GRIN2A: variants seen among roughly 807,000 people sequenced by gnomAD.
GRIN2A encodes the protein glutamate ionotropic receptor NMDA type subunit 2A.
In GRIN2A, 22 loss-of-function variants were observed where a neutral mutation model predicts 113.4. The ratio of observed to expected loss-of-function variants is 0.19; its 90% CI spans 0.14 to 0.28. GRIN2A has a LOEUF of 0.28. Ranked by LOEUF, GRIN2A falls within the 10% of genes least tolerant of loss-of-function variation. The probability of loss-of-function intolerance (pLI) is 1.00; values close to 1 mark genes in which losing one functional copy is unlikely to be tolerated. For synonymous variants in GRIN2A, 827 were observed against 738.4 expected, an observed-to-expected ratio of 1.12 and a Z score of -1.94; for missense variants, 1,502 against 1,887.0, an observed-to-expected ratio of 0.80 and a Z score of 3.78.
At chr16:10,036,437 C>CTTTTTTTTTTT (rs1360199200) in intron 2 of GRIN2A, among the ~76,000 whole-genome samples, 1 of 92,670 alleles carries the variant, frequency 1.1e-5, no homozygotes, top group African/African-American at 4.2e-5. Context: ...TTAGTACTTA[C>CTTTTTTTTTTT]TTTTTTTTTT....
At chr16:10,051,964 C>T (rs1022334718) in intron 2 of GRIN2A, among the ~76,000 whole-genome samples, 13 of 152,244 alleles carry the variant, frequency 8.5e-5, no homozygotes, top group Admixed American at 1.3e-4. Context: ...ATCACTGTCA[C>T]ATACTAAAAA....
At chr16:10,066,966 C>T (rs1412926397) in intron 2 of GRIN2A, among the ~76,000 whole-genome samples, 9 of 152,138 alleles carry the variant, frequency 5.9e-5, no homozygotes, top group Non-Finnish European at 7.3e-5. Context: ...AAAGGACATT[C>T]GGATACATGC....
chr16:9,982,013 C>A (rs899021028), intron 2 of GRIN2A, among the ~76,000 whole-genome samples: 4 of 152,258 alleles, frequency 2.6e-5, no homozygotes, highest in African/African-American at 7.2e-5. Flanking sequence ...GTCTGGAACT[C>A]CTGGCCTCAA....
In GRIN2A at chr16:9,930,770, T is replaced by A. The variant is rs139815613; in HGVS notation, c.1007+7189A>T. Among the ~76,000 whole-genome samples, 153 of 152,270 alleles carry A rather than the reference T, an allele frequency of 1.0e-3. 2 individuals are homozygous for A. Among genetic ancestry groups the A allele is most frequent in the African/African-American group, 3.5e-3 (145 of 41,560 alleles). On this transcript the variant is annotated intron_variant, in intron 3 of 12. Transcript: ENST00000330684. Reference sequence around the variant, plus strand: ...GATCATTCTGATTACTAAATAAAAATATGTCAACCAGGTTTAGCACAGTCT... The same window carrying A: ...GATCATTCTGATTACTAAATAAAAAAATGTCAACCAGGTTTAGCACAGTCT...
At chr16:9,934,542 G>A (rs2044666553) in intron 3 of GRIN2A, among the ~76,000 whole-genome samples, 1 of 151,760 alleles carries the variant, frequency 6.6e-6, no homozygotes, top group Non-Finnish European at 1.5e-5. Context: ...TTAGCCAAAT[G>A]TGGTAGTGCG....
chr16:10,125,775 T>C (rs1427186519), intron 2 of GRIN2A, among the ~76,000 whole-genome samples: 1 of 152,070 alleles, frequency 6.6e-6, no homozygotes, highest in African/African-American at 2.4e-5. Flanking sequence ...CTTCTTCCTC[T>C]GCCAAGAAAA....
chr16:9,816,064 C>T (rs2042179814), intron 10 of GRIN2A, among the ~76,000 whole-genome samples: 1 of 152,166 alleles, frequency 6.6e-6, no homozygotes, highest in Non-Finnish European at 1.5e-5. Context: ...CAGTCAAAAT[C>T]ATAAAGACAA....
At position 9,792,105 on chromosome 16, in the gene GRIN2A, G is replaced by GTGTGTGTGTGTGTGTGTC. The variant is rs3831728; in HGVS notation, c.2356+6171_2356+6172insGACACACACACACACACA. ...TGTGTGTGTGTGTGTGTGTGTGTGT[G>GTGTGTGTGTGTGTGTGTC]TGTATCTTTCAAATATTTAACATAT... On this transcript the variant is annotated intron_variant, in intron 11 of 12. Transcript: ENST00000330684. Among the ~76,000 whole-genome samples the GTGTGTGTGTGTGTGTGTC allele has an allele frequency of 3.9e-4, 59 of 151,180 alleles. 1 individual carries two copies. Among genetic ancestry groups the GTGTGTGTGTGTGTGTGTC allele is most frequent in the African/African-American group, 1.4e-3 (58 of 41,042 alleles).
intron 7 of GRIN2A, among the ~76,000 whole-genome samples, chr16:9,835,933 C>T (rs569602420): frequency 6.6e-6 from 1 of 152,270 alleles, no homozygotes; most frequent in Admixed American, 6.5e-5. Flanking sequence ...CAACAGGTAA[C>T]ACAACTTACT....
chr16:10,128,363 C>T (rs765716345), intron 2 of GRIN2A, among the ~76,000 whole-genome samples: 13 of 152,278 alleles, frequency 8.5e-5, no homozygotes, highest in African/African-American at 1.2e-4. Flanking sequence ...CAGAAATGAT[C>T]GTTTTATGAA....
chr16:10,065,232 C>T (rs956296605), intron 2 of GRIN2A, among the ~76,000 whole-genome samples: 7 of 152,192 alleles, frequency 4.6e-5, no homozygotes, highest in Non-Finnish European at 1.0e-4. Flanking sequence ...GATTAACTGT[C>T]ACTAAAATGG....
At chr16:9,915,739 C>G (rs2044236630) in intron 3 of GRIN2A, among the ~76,000 whole-genome samples, 1 of 152,226 alleles carries the variant, frequency 6.6e-6, no homozygotes, top group African/African-American at 2.4e-5. Context: ...GGTTTGTGAA[C>G]TGTCTCTGCA....
chr16:9,878,128 T>TACC (rs1264466227), intron 4 of GRIN2A, among the ~76,000 whole-genome samples: 1 of 152,190 alleles, frequency 6.6e-6, no homozygotes, highest in Non-Finnish European at 1.5e-5. Flanking sequence ...CTTACATTTA[T>TACC]ACCACCTGTC....
chr16:9,960,778 C>G (rs1373483930), intron 2 of GRIN2A, among the ~76,000 whole-genome samples: 1 of 152,166 alleles, frequency 6.6e-6, no homozygotes, highest in African/African-American at 2.4e-5. Context: ...GTGTGTTCCA[C>G]CACACCTGGA....
At chr16:10,118,657 T>C (rs2048774078) in intron 2 of GRIN2A, among the ~76,000 whole-genome samples, 1 of 152,212 alleles carries the variant, frequency 6.6e-6, no homozygotes, top group East Asian at 1.9e-4. Flanking sequence ...CTGCTGTATC[T>C]AAAAACTTGG....
chr16:10,010,661 C>T (rs1393782674), intron 2 of GRIN2A, among the ~76,000 whole-genome samples: 1 of 152,132 alleles, frequency 6.6e-6, no homozygotes, highest in African/African-American at 2.4e-5. Context: ...TATGGATTTG[C>T]AGCATTAACA....
At position 10,180,766 on chromosome 16, in the gene GRIN2A, A is replaced by G. The variant is rs1645979496; in HGVS notation, c.-18-337T>C. The stretch of plus-strand genomic sequence containing the variant: ...AGTTCGCCGCGGGCCACAGACCCTA[A>G]GCGCCGCGCGTGTTCTGTACCCCAC... On this transcript the variant is annotated intron_variant, in intron 1 of 12. Coordinates refer to ENST00000330684, the MANE Select transcript of GRIN2A (RefSeq NM_001134407.3). The surrounding 1 kb of genome is among the most constrained non-coding windows in gnomAD (Gnocchi z 7.0). 2.2e-6 allele frequency: 1 copy of G among 449,506 alleles called. No homozygotes were observed. The highest frequency in any genetic ancestry group is 2.0e-5 in the African/African-American group (1 of 50,386). 27.8% of individuals were successfully genotyped at this position (449,506 alleles called of 1,614,324 possible).
At chr16:9,772,890 G>A (rs559076340) in intron 11 of GRIN2A, among the ~76,000 whole-genome samples, 1 of 118,154 alleles carries the variant, frequency 8.5e-6, no homozygotes, top group South Asian at 2.6e-4. Context: ...TCTTTTTAGA[G>A]GAAATCAACA....
chr16:10,002,441 G>A (rs1454253961), intron 2 of GRIN2A, among the ~76,000 whole-genome samples: 1 of 152,226 alleles, frequency 6.6e-6, no homozygotes, highest in Non-Finnish European at 1.5e-5. Flanking sequence ...ATTCAGGAAG[G>A]CAATGAGAAA....
Sources: gnomAD v4.1 joint callset for allele counts (sites outside exome capture counted in the v4.1 genomes callset) on GRCh38, gnomAD v4.1.1 for gene constraint, Gnocchi (gnomAD v3.1) non-coding constraint, MANE v1.5 for transcripts, NCBI Gene and HGNC (gene_info 2026-07-23, HGNC 2026-07-21) for gene names.